The following SGCZ variants were observed in gnomAD, a reference collection of about 807,000 sequenced individuals.
SGCZ encodes the protein sarcoglycan zeta.
In SGCZ, 40 loss-of-function variants were observed where a neutral mutation model predicts 41.3. The observed-to-expected ratio is 0.97, with a 90% CI of 0.75 to 1.26. The LOEUF is 1.26. SGCZ is among the 50% of genes most tolerant of loss of function. The pLI is 0.00. For synonymous variants in SGCZ, 206 were observed against 137.5 expected, an observed-to-expected ratio of 1.50 and a Z score of -3.49; for missense variants, 552 against 369.8, an observed-to-expected ratio of 1.49 and a Z score of -4.04.
At chr8:14,688,821 C>A (rs1369809049) in intron 1 of SGCZ, among the ~76,000 whole-genome samples, 1 of 152,084 alleles carries the variant, frequency 6.6e-6, no homozygotes, top group Non-Finnish European at 1.5e-5. Context: ...GGAAGTCAAG[C>A]TGTCCCTGTT....
At chr8:14,867,071 G>A (rs1444662357) in intron 1 of SGCZ, among the ~76,000 whole-genome samples, 1 of 152,086 alleles carries the variant, frequency 6.6e-6, no homozygotes, top group East Asian at 1.9e-4. Flanking sequence ...GTTTCCCAAT[G>A]TCTAGGTCAT....
chr8:15,108,255 C>T (rs553176478), intron 1 of SGCZ, among the ~76,000 whole-genome samples: 1 of 152,170 alleles, frequency 6.6e-6, no homozygotes, highest in South Asian at 2.1e-4. Context: ...GGGTTTTAAA[C>T]ATATGGTTCT....
chr8:14,138,386 T>C (rs1803266290), intron 5 of SGCZ, among the ~76,000 whole-genome samples: 2 of 152,088 alleles, frequency 1.3e-5, no homozygotes, highest in Admixed American at 1.3e-4. Flanking sequence ...CAGACAAAGA[T>C]TGTCAAACTG....
intron 1 of SGCZ, among the ~76,000 whole-genome samples, chr8:15,100,199 A>T (rs1054570366): frequency 6.6e-6 from 1 of 152,190 alleles, no homozygotes; most frequent in African/African-American, 2.4e-5. Flanking sequence ...CTATGCAGAA[A>T]ATTGCAAAAC....
intron 2 of SGCZ, among the ~76,000 whole-genome samples, chr8:14,339,312 C>T (rs979355007): frequency 5.3e-5 from 8 of 152,192 alleles, no homozygotes; most frequent in African/African-American, 1.9e-4. Flanking sequence ...AAGAACACCT[C>T]TTCTCTATGT....
chr8:14,598,375 A>G (rs967281480), intron 1 of SGCZ, among the ~76,000 whole-genome samples: 1 of 152,082 alleles, frequency 6.6e-6, no homozygotes, highest in Non-Finnish European at 1.5e-5. Flanking sequence ...TTTGTTACAA[A>G]TATCTTCCTA....
chr8:14,275,764 A>G (rs144130925), intron 3 of SGCZ, among the ~76,000 whole-genome samples: 1 of 152,230 alleles, frequency 6.6e-6, no homozygotes, highest in Non-Finnish European at 1.5e-5. Flanking sequence ...GTGCAATGGA[A>G]TCCTTCTACT....
At chr8:14,484,610 GT>G (rs1404022908) in intron 2 of SGCZ, among the ~76,000 whole-genome samples, 5 of 151,958 alleles carry the variant, frequency 3.3e-5, no homozygotes, top group Admixed American at 2.6e-4. Flanking sequence ...TTTATGTTCC[GT>G]TTTTGCTGTG....
intron 1 of SGCZ, among the ~76,000 whole-genome samples, chr8:15,026,183 C>A (rs1313031452): frequency 6.6e-6 from 1 of 150,532 alleles, no homozygotes; most frequent in Non-Finnish European, 1.5e-5. Flanking sequence ...TAAAACATTT[C>A]TTTAGGTTGG....
At chr8:14,890,844 A>G (rs1006195968) in intron 1 of SGCZ, among the ~76,000 whole-genome samples, 1 of 152,196 alleles carries the variant, frequency 6.6e-6, no homozygotes, top group Non-Finnish European at 1.5e-5. Flanking sequence ...GTTTTAGGCA[A>G]TGCTCATTTA....
intron 1 of SGCZ, among the ~76,000 whole-genome samples, chr8:14,902,821 C>T (rs1277309906): frequency 6.6e-6 from 1 of 152,008 alleles, no homozygotes; most frequent in Non-Finnish European, 1.5e-5. Flanking sequence ...TAGTGGTTAG[C>T]TAATATTTAC....
intron 1 of SGCZ, among the ~76,000 whole-genome samples, chr8:14,832,103 G>C (rs752943860): frequency 4.6e-5 from 7 of 152,114 alleles, no homozygotes; most frequent in Non-Finnish European, 7.4e-5. Context: ...TGTTGAAATA[G>C]CAATGCCTTC....
intron 1 of SGCZ, among the ~76,000 whole-genome samples, chr8:14,810,559 T>C (rs1459443085): frequency 1.3e-5 from 2 of 152,030 alleles, no homozygotes; most frequent in Non-Finnish European, 2.9e-5. Context: ...GTGTTATTTA[T>C]TATCAAACAA....
rs1355560270 is a variant in SGCZ, at chr8:14,639,907, C to T, written c.40-84981G>A. 2.0e-5 allele frequency among the ~76,000 whole-genome samples: 3 copies of T among 151,604 alleles called. No homozygotes were observed. In the Admixed American group the frequency reaches 2.0e-4, roughly 10 times the overall value. ...CTCCCTACCTCCTGCAAGATACTCTCTACTCCTTGGACACTTGATACTGTA... is the reference window on the plus strand; with the variant it reads ...CTCCCTACCTCCTGCAAGATACTCTTTACTCCTTGGACACTTGATACTGTA... On this transcript the variant is annotated intron_variant, in intron 1 of 7. Coordinates refer to ENST00000382080, the MANE Select transcript of SGCZ (RefSeq NM_139167.4).
chr8:14,278,013 T>C (rs997622501), intron 3 of SGCZ, among the ~76,000 whole-genome samples: 4 of 152,176 alleles, frequency 2.6e-5, no homozygotes, highest in South Asian at 2.1e-4. Context: ...AGATTACCTA[T>C]GGGAATTCAT....
chr8:15,233,257 T>G (rs1802013755), intron 1 of SGCZ, among the ~76,000 whole-genome samples: 1 of 151,228 alleles, frequency 6.6e-6, no homozygotes, highest in African/African-American at 2.4e-5. Flanking sequence ...CCTACTTAGA[T>G]TCATCAGAAA....
chr8:14,317,451 G>C (rs888802773), intron 3 of SGCZ, among the ~76,000 whole-genome samples: 4 of 151,856 alleles, frequency 2.6e-5, no homozygotes, highest in Non-Finnish European at 4.4e-5. Flanking sequence ...TGTCAGATGA[G>C]CCACAGAAAT....
At chr8:15,151,591 T>C (rs1237977689) in intron 1 of SGCZ, among the ~76,000 whole-genome samples, 1 of 152,188 alleles carries the variant, frequency 6.6e-6, no homozygotes, top group African/African-American at 2.4e-5. Flanking sequence ...TGAATACATT[T>C]TCACAAAGAA....
At chr8:14,123,407 G>GTAAA (rs1802759420) in intron 5 of SGCZ, among the ~76,000 whole-genome samples, 1 of 152,254 alleles carries the variant, frequency 6.6e-6, no homozygotes, top group East Asian at 1.9e-4. Context: ...CAATTTGTGG[G>GTAAA]TAAATGGGAA....
Sources: allele counts gnomAD v4.1 joint callset (sites outside exome capture counted in the v4.1 genomes callset), GRCh38; gene constraint gnomAD v4.1.1; transcripts MANE v1.5; gene names NCBI Gene and HGNC (gene_info 2026-07-23, HGNC 2026-07-21).